The following VRK3 variants were observed in gnomAD, a reference collection of about 807,000 sequenced individuals.
VRK3 encodes serine/threonine-protein kinase VRK3.
VRK3 carries 50 observed loss-of-function variants against 60.4 expected under a neutral mutation model. That is an observed-to-expected ratio of 0.83 (90% CI 0.66 to 1.05). VRK3 has a LOEUF of 1.05. Among genes scored for constraint, VRK3 ranks in the 50% least tolerant of loss-of-function variants. The pLI is 0.00. For missense variants in VRK3, 549 were observed against 585.3 expected (o/e 0.94, Z 0.64); for synonymous variants, 246 against 227.8 (o/e 1.08, Z -0.72).
chr19:49,992,905 A>G lies in VRK3; in HGVS notation c.918T>C (p.Asn306=). The part of the protein sequence containing the change: ...FLHENEYVHG[N]VTAENIFVDP... Reference sequence around the variant, plus strand: ...CCACAAAGATATTTTCAGCTGTCACATTTCCATGAACATACTCATTCTCAT... The same window carrying G: ...CCACAAAGATATTTTCAGCTGTCACGTTTCCATGAACATACTCATTCTCAT... Residue 306 remains asparagine, a synonymous_variant, in exon 10 of 15, where the codon AAT becomes AAC. Transcript: ENST00000316763. 1 of 1,613,936 alleles carries G rather than the reference A, an allele frequency of 6.2e-7. No individual in the cohort carries two copies. The highest frequency in any genetic ancestry group is 8.5e-7 in the Non-Finnish European group (1 of 1,180,038).
rs570016528 is a variant in VRK3 at position 49,995,250 on chromosome 19, C to G, written c.705G>C (p.Ser235=). ...AGGTAGGGATGGCCAGCAGTGGGGT[C>G]GAGTACAGCTTCTTCCACTTGTTGA... is the stretch of plus-strand genomic sequence containing the variant. The part of the protein sequence containing the change: ...LQVNKWKKLY[S]TPLLAIPTCM... The change falls in exon 8 of 15, where the codon TCG becomes TCC. Residue 235 remains serine, a synonymous_variant. Transcript: ENST00000316763. The G allele has an allele frequency of 1.2e-6, 2 of 1,614,144 alleles. No homozygotes were observed. Among genetic ancestry groups the G allele is most frequent in the South Asian group, 2.2e-5 (2 of 91,060 alleles).
Position 49,979,247 on chromosome 19 carries a change from G to A in VRK3, c.1277-5C>T, listed in dbSNP as rs760883959. ...TCAGGTACTTCTGCAGGGTCTCTGT[G>A]GTCAAGACAACCCCCAGCAAGGGAG... is the stretch of plus-strand genomic sequence containing the variant. On this transcript the variant is annotated splice_region_variant and splice_polypyrimidine_tract_variant and intron_variant, in intron 13 of 14. Transcript: ENST00000316763. The A allele has an allele frequency of 1.9e-6, 3 of 1,614,048 alleles. No homozygotes were observed. Among genetic ancestry groups the A allele is most frequent in the South Asian group, 1.1e-5 (1 of 91,078 alleles).
chr19:49,992,339 GGT>G (rs1434926225), intron 10 of VRK3, among the ~76,000 whole-genome samples: 3 of 152,234 alleles, frequency 2.0e-5, no homozygotes, highest in Non-Finnish European at 2.9e-5. Context: ...AGGAGGTGGA[GGT>G]TGTGATGAGC....
chr19:49,996,496 T>C (rs1188889376), intron 7 of VRK3, among the ~76,000 whole-genome samples: 1 of 152,048 alleles, frequency 6.6e-6, no homozygotes, highest in African/African-American at 2.4e-5. Context: ...ACAGAGACAA[T>C]AGTGCACACA....
chr19:50,006,667 G>A (rs1346880481), intron 5 of VRK3, among the ~76,000 whole-genome samples: 1 of 152,032 alleles, frequency 6.6e-6, no homozygotes, highest in Admixed American at 6.6e-5. Context: ...GAGCCACCGC[G>A]CCTGGCCAAT....
At chr19:50,010,593 G>T (rs1436973687) in intron 3 of VRK3, among the ~76,000 whole-genome samples, 1 of 152,218 alleles carries the variant, frequency 6.6e-6, no homozygotes, top group Non-Finnish European at 1.5e-5. Flanking sequence ...CCCCAAACTG[G>T]TGAGAACGTG....
chr19:49,987,274 T>C (rs916541777), intron 12 of VRK3, among the ~76,000 whole-genome samples: 1 of 152,230 alleles, frequency 6.6e-6, no homozygotes, highest in Admixed American at 6.5e-5. Flanking sequence ...GCGCTTCCCT[T>C]TTGTGCTCCG....
At chr19:49,997,626 C>T (rs1008197671) in intron 6 of VRK3, 56 bp from the exon 7 acceptor site, 2 of 1,593,160 alleles carry the variant, frequency 1.3e-6, no homozygotes, top group African/African-American at 2.7e-5. Flanking sequence ...AGATAAGGGC[C>T]CCCAGTCCCC....
chr19:49,991,990 G>T (rs963033495), intron 10 of VRK3, among the ~76,000 whole-genome samples: 1 of 152,198 alleles, frequency 6.6e-6, no homozygotes, highest in African/African-American at 2.4e-5. Flanking sequence ...TCCCGCTTAA[G>T]GTGTTTCCCA....
chr19:50,003,592 T>G (rs950677471), intron 5 of VRK3, among the ~76,000 whole-genome samples: 5 of 151,944 alleles, frequency 3.3e-5, no homozygotes, highest in Non-Finnish European at 7.4e-5. Flanking sequence ...GACACAAGAG[T>G]TAATAAAATG....
intron 14 of VRK3, among the ~76,000 whole-genome samples, chr19:49,978,037 C>T (rs974558241): frequency 1.3e-5 from 2 of 152,128 alleles, no homozygotes; most frequent in African/African-American, 4.8e-5. Context: ...GGGAGACAGG[C>T]CGTCAAAAGG....
chr19:49,994,194 A>G (rs2076660760), intron 9 of VRK3, among the ~76,000 whole-genome samples: 1 of 152,012 alleles, frequency 6.6e-6, no homozygotes, highest in African/African-American at 2.4e-5. Context: ...CTTACTCTCA[A>G]TCACAGCAGG....
rs1275096663 is a variant in VRK3 at position 50,010,671 on chromosome 19, G to C, written c.140-1286C>G. Among the ~76,000 whole-genome samples, 3 of 152,254 alleles carry C rather than the reference G, an allele frequency of 2.0e-5. No individual in the cohort carries two copies. In the East Asian group the frequency reaches 5.8e-4, roughly 29 times the overall value. On this transcript the variant is annotated intron_variant, in intron 3 of 14. Coordinates refer to ENST00000316763, the MANE Select transcript of VRK3 (RefSeq NM_016440.4). ...CTCATGCCTGTAATCCCAGCACTTTGGGAGGCCAGGGCGGGTGGATCGCCT... is the reference window on the plus strand; with the variant it reads ...CTCATGCCTGTAATCCCAGCACTTTCGGAGGCCAGGGCGGGTGGATCGCCT...
At chr19:49,994,592 G>C (rs12461843) in intron 9 of VRK3, among the ~76,000 whole-genome samples, 1 of 152,122 alleles carries the variant, frequency 6.6e-6, no homozygotes, top group African/African-American at 2.4e-5. Context: ...GTTTGAGGCC[G>C]GGGCTCCTTC....
chr19:50,022,236 C>A (rs976481367), intron 1 of VRK3, among the ~76,000 whole-genome samples: 2 of 152,170 alleles, frequency 1.3e-5, no homozygotes, highest in Non-Finnish European at 2.9e-5. Context: ...CAGGTCAGAA[C>A]ATTCTTGTAG....
intron 4 of VRK3, among the ~76,000 whole-genome samples, chr19:50,008,234 A>G (rs1387590700): frequency 6.6e-6 from 1 of 152,136 alleles, no homozygotes; most frequent in Non-Finnish European, 1.5e-5. Flanking sequence ...CATTCTAGAC[A>G]TTTACCCAAA....
At chr19:49,995,577 C>G (rs759830231) in intron 7 of VRK3, among the ~76,000 whole-genome samples, 1 of 152,040 alleles carries the variant, frequency 6.6e-6, no homozygotes. Flanking sequence ...CGAATTCACA[C>G]ATAGAGCTAA....
chr19:50,007,173 G>A (rs1444275914), intron 5 of VRK3, among the ~76,000 whole-genome samples: 2 of 152,038 alleles, frequency 1.3e-5, no homozygotes, highest in African/African-American at 2.4e-5. Flanking sequence ...CATCAGTCTC[G>A]ATGTTTGAAC....
intron 2 of VRK3, among the ~76,000 whole-genome samples, chr19:50,019,715 C>CTTTTTTTTTTTTTTTTTTTTT (rs1225686835): frequency 3.2e-4 from 16 of 50,360 alleles, no homozygotes; most frequent in South Asian, 6.9e-4. Flanking sequence ...TTTTTTTTTA[C>CTTTTTTTTTTTTTTTTTTTTT]TTTTTGTAGA....
Sources: allele counts gnomAD v4.1 joint callset (sites outside exome capture counted in the v4.1 genomes callset), GRCh38; gene constraint gnomAD v4.1.1; transcripts MANE v1.5; gene names NCBI Gene and HGNC (gene_info 2026-07-23, HGNC 2026-07-21).